Variants in PAPOLA observed in about 807,000 individuals in gnomAD.
The protein encoded by PAPOLA is polynucleotide adenylyltransferase alpha.
A neutral mutation model predicts 100.6 loss-of-function variants in PAPOLA; 15 were observed. The ratio of observed to expected loss-of-function variants is 0.15; its 90% CI spans 0.10 to 0.23. PAPOLA has a LOEUF of 0.23. Ranked by LOEUF, PAPOLA falls within the 10% of genes least tolerant of loss-of-function variation. PAPOLA has a pLI of 1.00. For missense variants in PAPOLA, 533 were observed against 884.2 expected, an observed-to-expected ratio of 0.60 and a Z score of 5.04; for synonymous variants, 293 against 300.0, an observed-to-expected ratio of 0.98 and a Z score of 0.24.
At chr14:96,554,517 ATAAC>A (rs1355094467) in intron 17 of PAPOLA, among the ~76,000 whole-genome samples, 1 of 152,230 alleles carries the variant, frequency 6.6e-6, no homozygotes, top group Non-Finnish European at 1.5e-5. Flanking sequence ...AGTACCAAAA[ATAAC>A]AAGTCTTCGA....
chr14:96,527,672 T>A, intron 5 of PAPOLA, 133 bp downstream of exon 5: 1 of 626,988 alleles, frequency 1.6e-6, no homozygotes, highest in South Asian at 1.9e-5. Context: ...TTGGCATATG[T>A]GTTTGTGTTT....
At chr14:96,545,176 A>T (rs1054076409) in intron 15 of PAPOLA, among the ~76,000 whole-genome samples, 8 of 152,204 alleles carry the variant, frequency 5.3e-5, no homozygotes, top group African/African-American at 1.9e-4. Flanking sequence ...AAAATTAAGA[A>T]ATGTTTTACC....
chr14:96,522,460 G>A (rs1234291297), intron 3 of PAPOLA, among the ~76,000 whole-genome samples: 1 of 151,642 alleles, frequency 6.6e-6, no homozygotes, highest in Non-Finnish European at 1.5e-5. Context: ...GCCCAGACTG[G>A]AGTGCAGTGG....
At chr14:96,528,807 CTG>C (rs146933288) in intron 6 of PAPOLA, among the ~76,000 whole-genome samples, 2,604 of 152,270 alleles carry the variant, frequency 0.017, 69 homozygotes, top group African/African-American at 0.059. Context: ...ACGCTCAACT[CTG>C]TATTTTATGA....
intron 17 of PAPOLA, chr14:96,552,826 A>T: frequency 1.9e-6 from 1 of 535,280 alleles, no homozygotes; most frequent in Non-Finnish European, 3.3e-6. Context: ...TATTTTTGAG[A>T]CTGATAATGT....
intron 1 of PAPOLA, among the ~76,000 whole-genome samples, chr14:96,507,010 G>A (rs1896760917): frequency 6.6e-6 from 1 of 152,138 alleles, no homozygotes; most frequent in Admixed American, 6.5e-5. Context: ...CCAGCACTAT[G>A]GGAGGCCGAG....
chr14:96,554,449 A>G (rs117255265), intron 17 of PAPOLA, among the ~76,000 whole-genome samples: 1,525 of 152,356 alleles, frequency 0.01, 13 homozygotes, highest in South Asian at 0.017. Flanking sequence ...TCATATACCA[A>G]TGATATCCAT....
At chr14:96,541,081 G>T (rs1183672856) in intron 12 of PAPOLA, among the ~76,000 whole-genome samples, 1 of 152,112 alleles carries the variant, frequency 6.6e-6, no homozygotes, top group Non-Finnish European at 1.5e-5. Flanking sequence ...AGTAGAGACG[G>T]AGTTTCACTG....
intron 19 of PAPOLA, among the ~76,000 whole-genome samples, chr14:96,558,872 T>G (rs1419602557): frequency 6.6e-6 from 1 of 152,084 alleles, no homozygotes; most frequent in African/African-American, 2.4e-5. Flanking sequence ...TGGCCCCTGA[T>G]TGTTTCATTG....
chr14:96,510,419 C>CTTTT (rs766854463), intron 1 of PAPOLA, among the ~76,000 whole-genome samples: 1 of 125,978 alleles, frequency 7.9e-6, no homozygotes, highest in African/African-American at 2.9e-5. Flanking sequence ...TACAATTTGG[C>CTTTT]TTTTTTTTTT....
intron 14 of PAPOLA, among the ~76,000 whole-genome samples, chr14:96,543,267 T>G (rs868642323): frequency 1.1e-4 from 16 of 152,162 alleles, no homozygotes; most frequent in Admixed American, 3.9e-4. Context: ...TTGCTTTTTA[T>G]CTTAATTTTT....
intron 14 of PAPOLA, 88 bp from the exon 15 acceptor site, chr14:96,544,061 A>C: frequency 1.3e-6 from 1 of 753,562 alleles, no homozygotes; most frequent in Non-Finnish European, 2.3e-6. Flanking sequence ...TTGTATTGTA[A>C]GTTTTTCCAT....
intron 1 of PAPOLA, among the ~76,000 whole-genome samples, chr14:96,512,262 T>TA (rs949564487): frequency 2.1e-4 from 31 of 148,822 alleles, no homozygotes; most frequent in East Asian, 1.2e-3. Context: ...TACAAATAGT[T>TA]AAAAAAAAAA....
intron 19 of PAPOLA, 82 bp from the exon 20 acceptor site, chr14:96,560,567 A>T: frequency 1.2e-6 from 1 of 861,866 alleles, no homozygotes; most frequent in Non-Finnish European, 1.9e-6. Flanking sequence ...TTATAGTTTT[A>T]AAGTTTATAA....
At chr14:96,505,183 T>G (rs923941409) in intron 1 of PAPOLA, among the ~76,000 whole-genome samples, 9 of 152,230 alleles carry the variant, frequency 5.9e-5, no homozygotes, top group African/African-American at 2.2e-4. Context: ...GCCAGATTCA[T>G]TCCTTGCAGG....
intron 9 of PAPOLA, chr14:96,533,253 T>G (rs1899202280): frequency 1.0e-6 from 1 of 984,332 alleles, no homozygotes; most frequent in Non-Finnish European, 1.2e-6. Context: ...TACTGCCATT[T>G]TATATTAATT....
chr14:96,515,997 T>G (rs372208677), intron 1 of PAPOLA, among the ~76,000 whole-genome samples: 1 of 152,278 alleles, frequency 6.6e-6, no homozygotes, highest in African/African-American at 2.4e-5. Context: ...TCCTTAATCT[T>G]TGGAGGTTTA....
intron 6 of PAPOLA, 75 bp from the exon 7 acceptor site, chr14:96,531,396 TTTTG>T (rs775245149): frequency 7.9e-5 from 90 of 1,144,294 alleles, no homozygotes; most frequent in Middle Eastern, 2.5e-4. Context: ...TGCTGGGATT[TTTTG>T]TTTGTTTGTT....
In PAPOLA at chr14:96,531,555, T is replaced by C. The variant is rs1345770542; in HGVS notation, c.576T>C (p.Asn192=). 1 of 1,608,436 alleles carries C rather than the reference T, an allele frequency of 6.2e-7. No individual in the cohort carries two copies. The highest frequency in any genetic ancestry group is 1.3e-5 in the African/African-American group (1 of 74,846). The part of the protein sequence containing the change: ...LDLRDDSLLK[N]LDIRCIRSLN... ...TACGAGATGACAGTCTGCTAAAAAA[T>C]TTAGATATAAGATGTATAAGAAGTC... The change falls in exon 7 of 22, where the codon AAT becomes AAC. Residue 192 remains asparagine (N), a synonymous_variant. Transcript: ENST00000216277.
Sources: gnomAD v4.1 joint callset for allele counts (sites outside exome capture counted in the v4.1 genomes callset) on GRCh38, gnomAD v4.1.1 for gene constraint, MANE v1.5 for transcripts, NCBI Gene and HGNC (gene_info 2026-07-23, HGNC 2026-07-21) for gene names.